LMX1A: variants seen among roughly 807,000 people sequenced by gnomAD.
LMX1A encodes LIM homeobox transcription factor 1 alpha.
LMX1A carries 15 observed loss-of-function variants against 49.1 expected under a neutral mutation model. The observed-to-expected ratio is 0.31, with a 90% CI of 0.20 to 0.47. LMX1A has a LOEUF of 0.47. Ranked by LOEUF, LMX1A falls within the 20% of genes least tolerant of loss-of-function variation. The pLI, the probability that LMX1A is intolerant of heterozygous loss-of-function variation, is 1.00. For missense variants in LMX1A, 372 were observed against 475.8 expected (o/e 0.78, Z 2.03); for synonymous variants, 167 against 185.7 (o/e 0.90, Z 0.82).
intron 4 of LMX1A, among the ~76,000 whole-genome samples, chr1:165,235,993 C>T (rs1652420376): frequency 6.6e-6 from 1 of 152,212 alleles, no homozygotes; most frequent in Admixed American, 6.5e-5. Flanking sequence ...TTGCGCTCCA[C>T]GGCGGGTCCC....
At chr1:165,307,233 A>C (rs1019227915) in intron 3 of LMX1A, among the ~76,000 whole-genome samples, 1 of 152,342 alleles carries the variant, frequency 6.6e-6, no homozygotes, top group East Asian at 1.9e-4. Flanking sequence ...GAGAAAAAGA[A>C]AGTGGGAGCG....
At chr1:165,204,133 G>A (rs1650968698) in intron 8 of LMX1A, 93 bp from the exon 9 acceptor site, 1 of 1,351,138 alleles carries the variant, frequency 7.4e-7, no homozygotes, top group East Asian at 2.3e-5. Context: ...AGTGTTGCCT[G>A]AGCACAGGCT....
intron 3 of LMX1A, among the ~76,000 whole-genome samples, chr1:165,327,295 A>G (rs1655615984): frequency 6.6e-6 from 1 of 152,184 alleles, no homozygotes; most frequent in African/African-American, 2.4e-5. Flanking sequence ...TGCAACCCAA[A>G]CAATGGGCTA....
chr1:165,224,509 T>G (rs1024409334), intron 4 of LMX1A, among the ~76,000 whole-genome samples: 2 of 152,172 alleles, frequency 1.3e-5, no homozygotes, highest in African/African-American at 4.8e-5. Flanking sequence ...AGAAATTAAC[T>G]AAATGCCGGC....
chr1:165,277,026 T>C (rs1653990563), intron 3 of LMX1A, among the ~76,000 whole-genome samples: 1 of 152,228 alleles, frequency 6.6e-6, no homozygotes, highest in African/African-American at 2.4e-5. Flanking sequence ...TATTAGCAGC[T>C]TCAAGACAAG....
Position 165,355,518 on chromosome 1 carries a change from C to G in LMX1A, c.42G>C (p.Ala14=), listed in dbSNP as rs777888352. The change falls in exon 2 of 9, where the codon GCG becomes GCC. Residue 14 remains alanine (A), a synonymous_variant. Coordinates refer to ENST00000342310, the MANE Select transcript of LMX1A (RefSeq NM_177398.4). This position sits in a 1 kb window ranked among gnomAD's most constrained non-coding sequence, Gnocchi z 4.7. The part of the protein sequence containing the change: ...GLKMEENFQS[A]IDTSASFSSL... Reference sequence around the variant, plus strand: ...AGGAGAAGGAGGCCGAGGTGTCGATCGCGCTTTGGAAGTTCTCCTCCATCT... The same window carrying G: ...AGGAGAAGGAGGCCGAGGTGTCGATGGCGCTTTGGAAGTTCTCCTCCATCT... 4 of 1,613,894 alleles carry G rather than the reference C, an allele frequency of 2.5e-6. No homozygotes were observed. The highest frequency in any genetic ancestry group is 3.4e-6 in the Non-Finnish European group (4 of 1,180,008).
chr1:165,264,587 C>A (rs934875135), intron 3 of LMX1A, among the ~76,000 whole-genome samples: 1 of 152,136 alleles, frequency 6.6e-6, no homozygotes, highest in Non-Finnish European at 1.5e-5. Context: ...ACAGCACGAC[C>A]TTTGAGGGAT....
At chr1:165,263,800 G>A (rs1179190378) in intron 3 of LMX1A, among the ~76,000 whole-genome samples, 1 of 152,146 alleles carries the variant, frequency 6.6e-6, no homozygotes, top group Non-Finnish European at 1.5e-5. Flanking sequence ...GTATTTGGGG[G>A]TGCCAGGATT....
chr1:165,342,679 A>G (rs1238529007), intron 3 of LMX1A, among the ~76,000 whole-genome samples: 4 of 152,106 alleles, frequency 2.6e-5, no homozygotes, highest in African/African-American at 7.2e-5. Context: ...CAATCCCCAA[A>G]TCCTAAAAAC....
intron 4 of LMX1A, among the ~76,000 whole-genome samples, chr1:165,221,042 C>T (rs919339558): frequency 7.2e-5 from 11 of 152,114 alleles, no homozygotes; most frequent in African/African-American, 2.4e-4. Flanking sequence ...GCCTTGTTAT[C>T]GGTTTTTTAC....
chr1:165,338,206 C>G (rs1655961741), intron 3 of LMX1A, among the ~76,000 whole-genome samples: 1 of 152,162 alleles, frequency 6.6e-6, no homozygotes, highest in Admixed American at 6.5e-5. Context: ...CTGGATTCCA[C>G]AGCATGTGAC....
intron 3 of LMX1A, among the ~76,000 whole-genome samples, chr1:165,276,304 C>A (rs958045082): frequency 6.6e-6 from 1 of 152,154 alleles, no homozygotes; most frequent in Non-Finnish European, 1.5e-5. Flanking sequence ...ATACTGAGAG[C>A]CTGCTGGGAT....
At chr1:165,226,455 T>C (rs1253059639) in intron 4 of LMX1A, among the ~76,000 whole-genome samples, 1 of 152,202 alleles carries the variant, frequency 6.6e-6, no homozygotes, top group African/African-American at 2.4e-5. Flanking sequence ...TAGCTCAGTG[T>C]CCTAGATCAA....
chr1:165,345,148 G>A (rs908762834), intron 3 of LMX1A, among the ~76,000 whole-genome samples: 2 of 152,226 alleles, frequency 1.3e-5, no homozygotes, highest in East Asian at 1.9e-4. Flanking sequence ...GAGCTTAAGA[G>A]GCTAATCTGG....
At chr1:165,321,939 A>G (rs1354109014) in intron 3 of LMX1A, among the ~76,000 whole-genome samples, 4 of 152,144 alleles carry the variant, frequency 2.6e-5, no homozygotes, top group African/African-American at 9.7e-5. Flanking sequence ...CATATATAAG[A>G]GTCTAATATC....
chr1:165,206,088 T>C, intron 7 of LMX1A, 54 bp from the exon 8 acceptor site: 1 of 1,449,508 alleles, frequency 6.9e-7, no homozygotes, highest in Non-Finnish European at 9.3e-7. Flanking sequence ...TGGCATGTGA[T>C]TTCCCTGGGT....
intron 7 of LMX1A, among the ~76,000 whole-genome samples, chr1:165,206,703 A>G (rs1651096417): frequency 6.6e-6 from 1 of 152,124 alleles, no homozygotes; most frequent in Non-Finnish European, 1.5e-5. Context: ...GCCCTACCCT[A>G]GGGATGCACA....
intron 8 of LMX1A, among the ~76,000 whole-genome samples, chr1:165,204,617 A>C (rs1489776047): frequency 6.6e-6 from 1 of 152,224 alleles, no homozygotes; most frequent in Non-Finnish European, 1.5e-5. Flanking sequence ...AAATCACTGC[A>C]ACCAGGATCT....
At position 165,277,101 on chromosome 1, in the gene LMX1A, T is replaced by C. The variant is rs76198828; in HGVS notation, c.264-27461A>G. Among the ~76,000 whole-genome samples the C allele has an allele frequency of 3.0e-3, 458 of 152,336 alleles. 1 individual carries two copies. Among genetic ancestry groups the C allele is most frequent in the African/African-American group, 0.01 (433 of 41,572 alleles). On this transcript the variant is annotated intron_variant, in intron 3 of 8. Coordinates refer to ENST00000342310, the MANE Select transcript of LMX1A (RefSeq NM_177398.4). ...GCACAACAGCTCTGGGGACTTCCACTTGACTGTTTGCCACAGGAATGGTGA... is the reference window on the plus strand; with the variant it reads ...GCACAACAGCTCTGGGGACTTCCACCTGACTGTTTGCCACAGGAATGGTGA...
Sources: allele counts gnomAD v4.1 joint callset (sites outside exome capture counted in the v4.1 genomes callset), GRCh38; gene constraint gnomAD v4.1.1; non-coding constraint Gnocchi (gnomAD v3.1); transcripts MANE v1.5; gene names NCBI Gene and HGNC (gene_info 2026-07-23, HGNC 2026-07-21).